PABPC4L: variants seen among roughly 807,000 people sequenced by gnomAD.
The protein encoded by PABPC4L is poly(A) binding protein cytoplasmic 4 like.
For synonymous variants in PABPC4L, 169 were observed against 164.1 expected (o/e 1.03, Z -0.23); for missense variants, 452 against 451.4 (o/e 1.00, Z -0.01).
At chr4:134,189,330 GC>G in the PABPC4L span, among the ~76,000 whole-genome samples, 155 of 151,540 alleles carry the variant, frequency 1.0e-3, no homozygotes, top group Non-Finnish European at 1.6e-3. Context: ...ATTGCATTTT[GC>G]CATTTAGTAT....
the PABPC4L span, among the ~76,000 whole-genome samples, chr4:134,084,123 G>T: frequency 1.5e-4 from 23 of 151,998 alleles, no homozygotes; most frequent in Non-Finnish European, 2.9e-4. Context: ...ATCAGAGCTC[G>T]CTGTAGCCTC....
At chr4:134,124,340 C>T in the PABPC4L span, among the ~76,000 whole-genome samples, 1 of 152,172 alleles carries the variant, frequency 6.6e-6, no homozygotes, top group African/African-American at 2.4e-5. Context: ...AAACAACCTG[C>T]TGCTACTCTA....
chr4:134,018,732 T>C, the PABPC4L span, among the ~76,000 whole-genome samples: 1 of 152,156 alleles, frequency 6.6e-6, no homozygotes, highest in Non-Finnish European at 1.5e-5. Context: ...GGTGATCATA[T>C]ACAACAATTT....
the PABPC4L span, among the ~76,000 whole-genome samples, chr4:134,070,713 A>T: frequency 5.3e-5 from 8 of 152,126 alleles, no homozygotes; most frequent in Admixed American, 5.2e-4. Flanking sequence ...GAGGTCACTT[A>T]GAGCTCTCCC....
At chr4:134,136,354 AC>A in the PABPC4L span, among the ~76,000 whole-genome samples, 1 of 151,996 alleles carries the variant, frequency 6.6e-6, no homozygotes, top group Non-Finnish European at 1.5e-5. Context: ...GACATTGTAG[AC>A]TTTGTCACAT....
the PABPC4L span, among the ~76,000 whole-genome samples, chr4:134,117,885 G>A: frequency 6.6e-6 from 1 of 151,668 alleles, no homozygotes; most frequent in African/African-American, 2.4e-5. Context: ...ATTTTCTGGG[G>A]TTGGGTTTAT....
At chr4:134,165,650 G>A in the PABPC4L span, among the ~76,000 whole-genome samples, 3 of 152,126 alleles carry the variant, frequency 2.0e-5, no homozygotes, top group African/African-American at 7.2e-5. Flanking sequence ...TGTTGTCATG[G>A]ATGTGGTGAA....
the PABPC4L span, among the ~76,000 whole-genome samples, chr4:134,115,309 T>C: frequency 2.6e-5 from 4 of 151,782 alleles, no homozygotes; most frequent in Non-Finnish European, 5.9e-5. Context: ...ATTAAGCTTA[T>C]AGTCTACTAT....
chr4:134,020,401 T>C, the PABPC4L span, among the ~76,000 whole-genome samples: 1 of 152,110 alleles, frequency 6.6e-6, no homozygotes, highest in African/African-American at 2.4e-5. Flanking sequence ...TTATTATCTT[T>C]AAAGCAAAAT....
chr4:134,016,329 A>G, the PABPC4L span, among the ~76,000 whole-genome samples: 1 of 152,060 alleles, frequency 6.6e-6, no homozygotes, highest in Non-Finnish European at 1.5e-5. Flanking sequence ...CCATCATGCA[A>G]GAGGTTTCCT....
Position 134,199,650 on chromosome 4 carries a change from G to C in PABPC4L, c.*257C>G. ...AAAAATATATCTATTTATACTTATTGCTATGAACATATCAAAATAAGAAAA... is the reference window on the plus strand; with the variant it reads ...AAAAATATATCTATTTATACTTATTCCTATGAACATATCAAAATAAGAAAA... On this transcript the variant is annotated 3_prime_UTR_variant, in exon 2 of 2. Transcript: ENST00000421491. 1 of 437,594 alleles carries C rather than the reference G, an allele frequency of 2.3e-6. No homozygotes were observed. The highest frequency in any genetic ancestry group is 4.0e-6 in the Non-Finnish European group (1 of 246,992). 27.1% of individuals were successfully genotyped at this position (437,594 alleles called of 1,614,324 possible). A position where few individuals can be genotyped will look rare whatever the true frequency, so the allele number is the denominator to read the frequency against.
the PABPC4L span, among the ~76,000 whole-genome samples, chr4:134,001,761 G>A: frequency 6.6e-6 from 1 of 151,970 alleles, no homozygotes; most frequent in South Asian, 2.1e-4. Context: ...CTAATATGGT[G>A]CTACTTTTTC....
the PABPC4L span, among the ~76,000 whole-genome samples, chr4:134,116,221 T>C: frequency 2.0e-5 from 3 of 151,774 alleles, no homozygotes; most frequent in African/African-American, 4.8e-5. Flanking sequence ...AGTCAGGAAG[T>C]TAACTGGTAG....
the PABPC4L span, among the ~76,000 whole-genome samples, chr4:133,984,859 G>GA: frequency 5.3e-5 from 8 of 151,464 alleles, no homozygotes; most frequent in Non-Finnish European, 8.9e-5. Context: ...CACTCATAGA[G>GA]AAAAAAAAGT....
chr4:133,972,702 T>G, the PABPC4L span, among the ~76,000 whole-genome samples: 1 of 152,180 alleles, frequency 6.6e-6, no homozygotes, highest in East Asian at 1.9e-4. Context: ...TAGTTGAGCA[T>G]GCTAGAGTGA....
At chr4:134,110,113 T>C in the PABPC4L span, among the ~76,000 whole-genome samples, 1 of 151,836 alleles carries the variant, frequency 6.6e-6, no homozygotes, top group Non-Finnish European at 1.5e-5. Flanking sequence ...AAAATGCAAC[T>C]AAATAACCAG....
chr4:134,182,181 T>C, the PABPC4L span, among the ~76,000 whole-genome samples: 1 of 152,046 alleles, frequency 6.6e-6, no homozygotes, highest in African/African-American at 2.4e-5. Flanking sequence ...AGAAAAAAGC[T>C]GAAAGCATCA....
the PABPC4L span, among the ~76,000 whole-genome samples, chr4:134,187,625 A>G: frequency 6.6e-6 from 1 of 152,018 alleles, no homozygotes; most frequent in Admixed American, 6.6e-5. Context: ...CATACACAGT[A>G]AGAATCAATA....
At chr4:133,990,419 A>T in the PABPC4L span, among the ~76,000 whole-genome samples, 1 of 152,174 alleles carries the variant, frequency 6.6e-6, no homozygotes, top group African/African-American at 2.4e-5. Context: ...TAATTGACAA[A>T]TATTATGTGT....
Sources: allele counts gnomAD v4.1 joint callset (sites outside exome capture counted in the v4.1 genomes callset), GRCh38; gene constraint gnomAD v4.1.1; transcripts MANE v1.5; gene names NCBI Gene and HGNC (gene_info 2026-07-23, HGNC 2026-07-21).